The following DOCK4 variants were observed in gnomAD, a reference collection of about 807,000 sequenced individuals.
DOCK4 encodes the protein dedicator of cytokinesis protein 4.
In DOCK4, 97 loss-of-function variants were observed where a neutral mutation model predicts 268.1. The observed-to-expected ratio is 0.36, with a 90% confidence interval of 0.31 to 0.43. DOCK4 has a LOEUF of 0.43. Among genes scored for constraint, DOCK4 ranks in the 20% least tolerant of loss-of-function variants. DOCK4 has a pLI of 1.00. For synonymous variants in DOCK4, 954 were observed against 887.2 expected, an observed-to-expected ratio of 1.08 and a Z score of -1.34; for missense variants, 2,145 against 2,455.7, an observed-to-expected ratio of 0.87 and a Z score of 2.67.
At chr7:112,199,331 C>T (rs116861532) in intron 1 of DOCK4, among the ~76,000 whole-genome samples, 7,635 of 152,196 alleles carry the variant, frequency 0.05, 299 homozygotes, top group Non-Finnish European at 0.075. Context: ...TTTTATATTG[C>T]AGTTTCCAAT....
chr7:111,739,499 T>C (rs1795746437), intron 47 of DOCK4, 22 bp from the exon 48 acceptor site: 2 of 1,550,768 alleles, frequency 1.3e-6, no homozygotes, highest in Non-Finnish European at 1.7e-6. Flanking sequence ...CAGGGAGCTA[T>C]TATCATACCC....
chr7:112,025,367 G>A (rs541375901), intron 1 of DOCK4, among the ~76,000 whole-genome samples: 4 of 152,266 alleles, frequency 2.6e-5, no homozygotes, highest in South Asian at 2.1e-4. Flanking sequence ...CCCAGCTTCC[G>A]ATTTATACCG....
intron 23 of DOCK4, among the ~76,000 whole-genome samples, chr7:111,857,987 A>G (rs1474259167): frequency 6.6e-6 from 1 of 152,214 alleles, no homozygotes; most frequent in African/African-American, 2.4e-5. Flanking sequence ...ATTAAATACC[A>G]ATCTATTTAG....
rs1795494190 is a variant in DOCK4, at chr7:111,944,873, TACAA to T, written c.784-6_784-3del. 3 of 1,613,820 alleles carry T rather than the reference TACAA, an allele frequency of 1.9e-6. No individual in the cohort carries two copies. The highest frequency in any genetic ancestry group is 2.7e-5 in the African/African-American group (2 of 74,922). ...TCTTAGCTCACTGCTGCCCAAATCC[TACAA>T]ACAAAGAAAGTTTGGTTATTTTGGA... On this transcript the variant is annotated splice_region_variant and splice_polypyrimidine_tract_variant and intron_variant, in intron 9 of 52. Transcript: ENST00000428084.
intron 4 of DOCK4, among the ~76,000 whole-genome samples, chr7:111,994,832 G>A (rs1799798980): frequency 6.6e-6 from 1 of 152,068 alleles, no homozygotes; most frequent in Admixed American, 6.6e-5. Context: ...TAGAACTTAT[G>A]GCTTATGACA....
At chr7:112,066,997 A>ACACAC (rs1238055312) in intron 1 of DOCK4, among the ~76,000 whole-genome samples, 1 of 146,972 alleles carries the variant, frequency 6.8e-6, no homozygotes, top group African/African-American at 2.5e-5. Flanking sequence ...CACACACACA[A>ACACAC]AAAAACCAAA....
At chr7:111,990,582 C>G (rs944630412) in intron 5 of DOCK4, among the ~76,000 whole-genome samples, 1 of 152,146 alleles carries the variant, frequency 6.6e-6, no homozygotes, top group South Asian at 2.1e-4. Flanking sequence ...ATGTGCAGGT[C>G]AGACAAATTT....
chr7:111,869,471 T>C (rs1437132202), intron 21 of DOCK4, 103 bp downstream of exon 21: 1 of 973,608 alleles, frequency 1.0e-6, no homozygotes, highest in Non-Finnish European at 1.6e-6. Context: ...ATGTCAGTAA[T>C]ACATCATCAC....
chr7:111,984,152 C>T (rs1161298389), intron 7 of DOCK4, among the ~76,000 whole-genome samples, 154 bp downstream of exon 7: 5 of 152,238 alleles, frequency 3.3e-5, no homozygotes, highest in Middle Eastern at 3.4e-3. Context: ...CAGTACTGTA[C>T]TGAGGGCATG....
At chr7:111,763,676 G>A (rs1023056652) in intron 39 of DOCK4, among the ~76,000 whole-genome samples, 2 of 152,050 alleles carry the variant, frequency 1.3e-5, no homozygotes, top group Admixed American at 6.6e-5. Context: ...TGGCAGGGTC[G>A]TGTCTAGACC....
At chr7:111,788,611 G>A in intron 32 of DOCK4, 51 bp downstream of exon 32, 2 of 1,475,108 alleles carry the variant, frequency 1.4e-6, no homozygotes, top group Non-Finnish European at 1.9e-6. Context: ...GCTCAGTACT[G>A]ACACCAAATC....
At chr7:111,901,645 G>T (rs775040402) in intron 14 of DOCK4, 32 bp downstream of exon 14, 6 of 1,608,192 alleles carry the variant, frequency 3.7e-6, no homozygotes, top group Non-Finnish European at 5.1e-6. Context: ...ATACAGACTT[G>T]TTTGACCTGG....
chr7:111,737,103 G>A (rs1795552940), intron 49 of DOCK4, 114 bp from the exon 50 acceptor site: 12 of 832,756 alleles, frequency 1.4e-5, no homozygotes, highest in Non-Finnish European at 1.9e-5. Context: ...TAATTTTTGT[G>A]TGATATGATG....
chr7:112,056,248 T>TTGTAAACAAC lies in DOCK4; in HGVS notation c.38-52127_38-52118dup, dbSNP rs543782718. Among the ~76,000 whole-genome samples the TTGTAAACAAC allele has an allele frequency of 5.3e-5, 8 of 152,298 alleles. No individual in the cohort carries two copies. The East Asian group carries it at 9.7e-4, about 18-fold the overall frequency. ...TTGGAAAAGGGGTTATGTGGCTTTATTGTAAACAACAAACTGACAATGGTT... is the reference window on the plus strand; with the variant it reads ...TTGGAAAAGGGGTTATGTGGCTTTATTGTAAACAACTGTAAACAACAAACTGACAATGGTT... On this transcript the variant is annotated intron_variant, in intron 1 of 52. Coordinates refer to ENST00000428084, the MANE Select transcript of DOCK4 (RefSeq NM_001363540.2).
At chr7:112,095,428 T>G (rs1810033708) in intron 1 of DOCK4, among the ~76,000 whole-genome samples, 1 of 139,156 alleles carries the variant, frequency 7.2e-6, no homozygotes. Context: ...ACCTCAAAAT[T>G]TTAATCTATT....
chr7:111,741,891 G>T, intron 45 of DOCK4, 122 bp downstream of exon 45: 1 of 1,362,008 alleles, frequency 7.3e-7, no homozygotes, highest in Non-Finnish European at 9.8e-7. Context: ...AGGGCTCCCT[G>T]GTAAAACAGT....
At chr7:112,019,526 A>C (rs545355304) in intron 1 of DOCK4, among the ~76,000 whole-genome samples, 24 of 152,314 alleles carry the variant, frequency 1.6e-4, no homozygotes, top group Admixed American at 1.2e-3. Flanking sequence ...AGCAATCTAT[A>C]TAAATGAATA....
intron 22 of DOCK4, among the ~76,000 whole-genome samples, chr7:111,866,179 C>T (rs1267341416): frequency 1.3e-5 from 2 of 152,330 alleles, no homozygotes; most frequent in Non-Finnish European, 2.9e-5. Context: ...ATTAGTGGTA[C>T]TGCCTCTGCA....
At chr7:111,744,037 T>C (rs1046103559) in intron 44 of DOCK4, among the ~76,000 whole-genome samples, 11 of 152,230 alleles carry the variant, frequency 7.2e-5, no homozygotes, top group African/African-American at 2.7e-4. Context: ...CAGGCTAGTC[T>C]TGAACTCCTG....
Sources: allele counts gnomAD v4.1 joint callset (sites outside exome capture counted in the v4.1 genomes callset), GRCh38; gene constraint gnomAD v4.1.1; transcripts MANE v1.5; gene names NCBI Gene and HGNC (gene_info 2026-07-23, HGNC 2026-07-21).